The following PTPRD variants were observed in gnomAD, a reference collection of about 807,000 sequenced individuals.
PTPRD encodes the protein protein tyrosine phosphatase receptor type D.
Under a neutral mutation model 214.5 loss-of-function variants are expected in PTPRD, and 34 were observed. The observed-to-expected ratio is 0.16, with a 90% CI of 0.12 to 0.21. PTPRD has a LOEUF of 0.21. PTPRD is among the 10% of genes least tolerant of loss of function. The pLI, the probability that PTPRD is intolerant of heterozygous loss-of-function variation, is 1.00. For missense variants in PTPRD, 2,545 were observed against 2,398.7 expected (o/e 1.06, Z -1.27); for synonymous variants, 1,128 against 845.7 (o/e 1.33, Z -5.79).
At chr9:10,354,470 G>C (rs1239669850) in intron 2 of PTPRD, among the ~76,000 whole-genome samples, 1 of 151,976 alleles carries the variant, frequency 6.6e-6, no homozygotes, top group African/African-American at 2.4e-5. Context: ...AAGCCTCTTG[G>C]TTTCCGGTTT....
chr9:10,336,316 G>A (rs2096842839), intron 3 of PTPRD, among the ~76,000 whole-genome samples: 1 of 151,592 alleles, frequency 6.6e-6, no homozygotes, highest in Non-Finnish European at 1.5e-5. Flanking sequence ...GAATTTGGGT[G>A]GAAGAGAATT....
chr9:9,706,526 A>G lies in PTPRD; in HGVS notation c.-287+28007T>C, dbSNP rs374929710. 1.4e-3 allele frequency among the ~76,000 whole-genome samples: 217 copies of G among 150,718 alleles called. 3 individuals carry two copies. Among genetic ancestry groups the G allele is most frequent in the African/African-American group, 5.1e-3 (211 of 41,014 alleles). ...ACAATCTTGGCTCACTGCAACCTCC[A>G]CCTCCTGGGTTCAAGCAATTCTCCT... On this transcript the variant is annotated intron_variant, in intron 7 of 45. Coordinates refer to ENST00000381196, the MANE Select transcript of PTPRD (RefSeq NM_002839.4).
rs560581174 is a variant in PTPRD at position 8,413,141 on chromosome 9, A to G, written c.4087-8481T>C. Among the ~76,000 whole-genome samples the G allele has an allele frequency of 2.0e-5, 3 of 152,318 alleles. No homozygotes were observed. The South Asian group carries it at 6.2e-4, about 32-fold the overall frequency. On this transcript the variant is annotated intron_variant, in intron 35 of 45. Coordinates refer to ENST00000381196, the MANE Select transcript of PTPRD (RefSeq NM_002839.4). Reference sequence around the variant, plus strand: ...GAAAATGTCTAGCCTAATTTTAAACATACGATTTTTCTTCCTATTATTTTT... The same window carrying G: ...GAAAATGTCTAGCCTAATTTTAAACGTACGATTTTTCTTCCTATTATTTTT...
intron 12 of PTPRD, among the ~76,000 whole-genome samples, chr9:8,679,213 C>T (rs900528603): frequency 1.3e-5 from 2 of 152,178 alleles, no homozygotes; most frequent in African/African-American, 4.8e-5. Context: ...TCTCATCTAG[C>T]ATCATCCCAC....
intron 11 of PTPRD, among the ~76,000 whole-genome samples, chr9:8,928,746 A>T (rs2098922744): frequency 6.6e-6 from 1 of 152,158 alleles, no homozygotes; most frequent in African/African-American, 2.4e-5. Context: ...TGGTAGTTTC[A>T]TGGGGAAAGC....
At chr9:9,349,480 G>C (rs748491725) in intron 9 of PTPRD, among the ~76,000 whole-genome samples, 1 of 152,012 alleles carries the variant, frequency 6.6e-6, no homozygotes, top group African/African-American at 2.4e-5. Flanking sequence ...AAGTGATATA[G>C]AAGTGCCACC....
intron 2 of PTPRD, among the ~76,000 whole-genome samples, chr9:10,497,079 T>C (rs779130758): frequency 2.0e-5 from 3 of 151,860 alleles, no homozygotes; most frequent in Non-Finnish European, 4.4e-5. Flanking sequence ...TTCTTACTTA[T>C]AAATAGGAGC....
intron 9 of PTPRD, among the ~76,000 whole-genome samples, chr9:9,294,812 T>A (rs556623335): frequency 5.3e-4 from 80 of 151,812 alleles, no homozygotes; most frequent in African/African-American, 1.3e-3. Context: ...CAAACTAATA[T>A]ACTCCATGTG....
intron 42 of PTPRD, 129 bp from the exon 43 acceptor site, chr9:8,339,176 C>G: frequency 4.3e-6 from 4 of 921,688 alleles, no homozygotes; most frequent in East Asian, 2.9e-5. Flanking sequence ...CAAGGCAATT[C>G]CAATTGCATA....
intron 7 of PTPRD, among the ~76,000 whole-genome samples, chr9:9,662,793 A>G (rs2096645321): frequency 1.3e-5 from 2 of 151,562 alleles, no homozygotes; most frequent in East Asian, 3.9e-4. Flanking sequence ...CATTAAAACC[A>G]CATGTATCTT....
chr9:9,819,568 G>A (rs2761754), intron 5 of PTPRD, among the ~76,000 whole-genome samples: 83,706 of 151,874 alleles, frequency 0.55, 25,698 homozygotes, highest in East Asian at 0.88. Context: ...ACCTGTGTAC[G>A]TTGTGTGATG....
chr9:8,356,899 T>C (rs1488691285), intron 39 of PTPRD, among the ~76,000 whole-genome samples: 1 of 152,196 alleles, frequency 6.6e-6, no homozygotes, highest in Non-Finnish European at 1.5e-5. Context: ...ACTTATAGTT[T>C]ACAGTATTAA....
At chr9:8,369,208 A>G (rs930273708) in intron 39 of PTPRD, among the ~76,000 whole-genome samples, 15 of 152,128 alleles carry the variant, frequency 9.9e-5, no homozygotes, top group African/African-American at 3.4e-4. Flanking sequence ...TGTATTAAAC[A>G]ATTTTCCACA....
chr9:9,566,365 A>T (rs1211893452), intron 8 of PTPRD, among the ~76,000 whole-genome samples: 1 of 152,046 alleles, frequency 6.6e-6, no homozygotes, highest in Non-Finnish European at 1.5e-5. Flanking sequence ...ATGAGCTTAA[A>T]TTAATTACTC....
intron 35 of PTPRD, among the ~76,000 whole-genome samples, chr9:8,434,514 G>T (rs1334532270): frequency 6.6e-6 from 1 of 152,136 alleles, no homozygotes; most frequent in Non-Finnish European, 1.5e-5. Flanking sequence ...TCATCAAGTG[G>T]TGCATGACTA....
intron 3 of PTPRD, among the ~76,000 whole-genome samples, chr9:10,174,723 A>G (rs906443578): frequency 3.9e-5 from 6 of 152,052 alleles, no homozygotes; most frequent in African/African-American, 1.4e-4. Flanking sequence ...ATATGTACAG[A>G]TGCCTACGGT....
intron 5 of PTPRD, among the ~76,000 whole-genome samples, chr9:9,852,033 T>C (rs867314816): frequency 1.2e-4 from 19 of 152,260 alleles, no homozygotes; most frequent in Non-Finnish European, 2.2e-4. Context: ...GTACAGAATA[T>C]AGTATATAAC....
chr9:8,967,704 G>A (rs1056650899), intron 11 of PTPRD, among the ~76,000 whole-genome samples: 5 of 152,002 alleles, frequency 3.3e-5, no homozygotes, highest in Non-Finnish European at 5.9e-5. Context: ...TGAAATATAC[G>A]TATGTTATTT....
At chr9:9,599,508 A>G (rs2093602769) in intron 7 of PTPRD, among the ~76,000 whole-genome samples, 1 of 152,038 alleles carries the variant, frequency 6.6e-6, no homozygotes, top group Non-Finnish European at 1.5e-5. Flanking sequence ...CTACAGTCTC[A>G]GCTTCTGGAA....
Sources: allele counts gnomAD v4.1 joint callset (sites outside exome capture counted in the v4.1 genomes callset), GRCh38; gene constraint gnomAD v4.1.1; transcripts MANE v1.5; gene names NCBI Gene and HGNC (gene_info 2026-07-23, HGNC 2026-07-21).